MCC: variants seen among roughly 807,000 people sequenced by gnomAD.
MCC encodes colorectal mutant cancer protein.
Under a neutral mutation model 116.2 loss-of-function variants are expected in MCC, and 90 were observed. That is an observed-to-expected ratio of 0.77 (90% CI 0.65 to 0.92). MCC has a LOEUF of 0.92. Among genes scored for constraint, MCC ranks in the 40% least tolerant of loss-of-function variants. The pLI is 0.00. For synonymous variants in MCC, 578 were observed against 510.5 expected (o/e 1.13, Z -1.78); for missense variants, 1,516 against 1,312.2 (o/e 1.16, Z -2.40).
chr5:113,346,906 G>A (rs1768147453), intron 2 of MCC, among the ~76,000 whole-genome samples: 1 of 151,252 alleles, frequency 6.6e-6, no homozygotes, highest in Non-Finnish European at 1.5e-5. Context: ...TTACAGGCCA[G>A]GAGAGAGTGG....
Position 113,055,732 on chromosome 5 carries a change from T to C in MCC, c.2214-1773A>G, listed in dbSNP as rs145562919. Among the ~76,000 whole-genome samples, 697 of 152,332 alleles carry C rather than the reference T, an allele frequency of 4.6e-3. 2 individuals carry two copies. Among genetic ancestry groups the C allele is most frequent in the Middle Eastern group, 6.8e-3 (2 of 294 alleles). On this transcript the variant is annotated intron_variant, in intron 14 of 18. Coordinates refer to ENST00000408903, the MANE Select transcript of MCC (RefSeq NM_001085377.2). ...TTCCCACGTCAGCTGGGCTGGGCTA[T>C]GTGCGCAGTTGCTTGGTCAACCACC...
intron 1 of MCC, among the ~76,000 whole-genome samples, chr5:113,439,754 C>T (rs1770976466): frequency 1.3e-5 from 2 of 152,208 alleles, no homozygotes; most frequent in Admixed American, 6.5e-5. Flanking sequence ...GTTTCTAGCT[C>T]ATGGGATTGT....
At chr5:113,281,718 T>TG (rs1272257006) in intron 3 of MCC, among the ~76,000 whole-genome samples, 1 of 152,196 alleles carries the variant, frequency 6.6e-6, no homozygotes, top group Non-Finnish European at 1.5e-5. Context: ...AATGAGCTTT[T>TG]GGCATTAAGG....
In MCC at chr5:113,434,668, G is replaced by A. The variant is rs199613682; in HGVS notation, c.171-49456C>T. 2.7e-5 allele frequency: 43 copies of A among 1,614,010 alleles called. 1 individual carries two copies. In the African/African-American group the frequency reaches 4.9e-4, roughly 19 times the overall value. ...ATGGCCAGAATCTCAATTTCCCGGG[G>A]AAGGAATTTCTCCAAGAAGTCTGCG... On this transcript the variant is annotated intron_variant, in intron 1 of 18. Coordinates refer to ENST00000408903, the MANE Select transcript of MCC (RefSeq NM_001085377.2). This position sits in a 1 kb window ranked among gnomAD's most constrained non-coding sequence, Gnocchi z 4.2.
At chr5:113,063,935 G>A (rs758405860) in intron 14 of MCC, 49 bp downstream of exon 14, 1 of 1,558,550 alleles carries the variant, frequency 6.4e-7, no homozygotes, top group South Asian at 1.2e-5. Context: ...CCAGTGAACA[G>A]ATGCCATGTG....
chr5:113,280,359 T>C (rs1224227198), intron 3 of MCC, among the ~76,000 whole-genome samples: 1 of 152,214 alleles, frequency 6.6e-6, no homozygotes, highest in Non-Finnish European at 1.5e-5. Context: ...ATTTTACTTA[T>C]TTTCATTATT....
intron 3 of MCC, among the ~76,000 whole-genome samples, chr5:113,321,701 A>G (rs754738092): frequency 1.3e-5 from 2 of 152,258 alleles, no homozygotes; most frequent in Non-Finnish European, 2.9e-5. Context: ...CTTCAAATGC[A>G]AAGCCTGGGT....
intron 2 of MCC, among the ~76,000 whole-genome samples, chr5:113,363,105 C>A (rs1768588095): frequency 6.6e-6 from 1 of 152,024 alleles, no homozygotes; most frequent in South Asian, 2.1e-4. Context: ...CGGCAAAACC[C>A]TATCTCTACT....
At chr5:113,114,830 T>C (rs772272909) in intron 6 of MCC, among the ~76,000 whole-genome samples, 1 of 152,180 alleles carries the variant, frequency 6.6e-6, no homozygotes, top group African/African-American at 2.4e-5. Context: ...GCCACTTTTA[T>C]TGGCAATAAA....
chr5:113,479,983 T>C (rs932715225), intron 1 of MCC, among the ~76,000 whole-genome samples: 4 of 152,248 alleles, frequency 2.6e-5, no homozygotes, highest in Non-Finnish European at 4.4e-5. Context: ...TCTACTTTGC[T>C]ATGAGACAAG....
At chr5:113,175,249 A>G (rs1761275075) in intron 3 of MCC, among the ~76,000 whole-genome samples, 1 of 152,248 alleles carries the variant, frequency 6.6e-6, no homozygotes, top group South Asian at 2.1e-4. Flanking sequence ...AAAGTATCTC[A>G]GATGTAGAAC....
chr5:113,296,467 G>C (rs1290282438), intron 3 of MCC, among the ~76,000 whole-genome samples: 4 of 152,172 alleles, frequency 2.6e-5, no homozygotes, highest in Non-Finnish European at 5.9e-5. Context: ...TCTTAGAAGA[G>C]GCAGCATGTG....
chr5:113,282,735 C>G (rs1174205543), intron 3 of MCC, among the ~76,000 whole-genome samples: 2 of 152,148 alleles, frequency 1.3e-5, no homozygotes, highest in African/African-American at 4.8e-5. Flanking sequence ...TACTCTTATT[C>G]AAATACTTCA....
chr5:113,126,818 GGA>G (rs1161800370), intron 5 of MCC, among the ~76,000 whole-genome samples: 1 of 152,074 alleles, frequency 6.6e-6, no homozygotes, highest in Non-Finnish European at 1.5e-5. Context: ...AGCTATGTGT[GGA>G]TTTTTAACTG....
At chr5:113,284,202 T>C (rs145955650) in intron 3 of MCC, among the ~76,000 whole-genome samples, 243 of 152,292 alleles carry the variant, frequency 1.6e-3, no homozygotes, top group African/African-American at 5.7e-3. Flanking sequence ...ATACAAAAAG[T>C]AGCCGGATGT....
chr5:113,442,447 T>C (rs1052837932), intron 1 of MCC, among the ~76,000 whole-genome samples: 1 of 152,232 alleles, frequency 6.6e-6, no homozygotes, highest in Admixed American at 6.5e-5. Context: ...ATTCTGTAGG[T>C]TGCCTGTTCA....
At chr5:113,446,916 C>A (rs994091965) in intron 1 of MCC, among the ~76,000 whole-genome samples, 1 of 152,136 alleles carries the variant, frequency 6.6e-6, no homozygotes, top group Admixed American at 6.5e-5. Flanking sequence ...ACCCAGGTAA[C>A]AAACCTGCAC....
At chr5:113,412,412 TG>T (rs1408018564) in intron 1 of MCC, among the ~76,000 whole-genome samples, 1 of 152,230 alleles carries the variant, frequency 6.6e-6, no homozygotes, top group East Asian at 1.9e-4. Context: ...GAGCATGGAA[TG>T]TTTTTCCATT....
At chr5:113,417,932 C>G (rs1408803423) in intron 1 of MCC, among the ~76,000 whole-genome samples, 1 of 148,176 alleles carries the variant, frequency 6.7e-6, no homozygotes, top group Non-Finnish European at 1.5e-5. Flanking sequence ...GACACTATTT[C>G]CAAAAAAAAA....
Sources: gnomAD v4.1 joint callset for allele counts (sites outside exome capture counted in the v4.1 genomes callset) on GRCh38, gnomAD v4.1.1 for gene constraint, Gnocchi (gnomAD v3.1) non-coding constraint, MANE v1.5 for transcripts, NCBI Gene and HGNC (gene_info 2026-07-23, HGNC 2026-07-21) for gene names.